Variants in KLHL25 observed in about 807,000 individuals in gnomAD.
The protein encoded by KLHL25 is kelch like family member 25, also known as kelch-like protein 25.
In KLHL25, 41 loss-of-function variants were observed where a neutral mutation model predicts 30.0. That is an observed-to-expected ratio of 1.37 (90% CI 1.07 to 1.78). The LOEUF (loss-of-function observed/expected upper bound fraction) is 1.78. Among genes scored for constraint, KLHL25 ranks in the 40% most tolerant of loss-of-function variants. The pLI is 0.00. For synonymous variants in KLHL25, 399 were observed against 355.3 expected, an observed-to-expected ratio of 1.12 and a Z score of -1.38; for missense variants, 971 against 824.5, an observed-to-expected ratio of 1.18 and a Z score of -2.18.
intron 1 of KLHL25, among the ~76,000 whole-genome samples, chr15:85,792,109 G>A (rs1028240956): frequency 1.3e-5 from 2 of 152,188 alleles, no homozygotes; most frequent in Non-Finnish European, 2.9e-5. Context: ...ATGGCAATGA[G>A]GTGGTCAAGG....
chr15:85,775,390 C>T (rs1443142188), intron 1 of KLHL25, among the ~76,000 whole-genome samples: 1 of 152,148 alleles, frequency 6.6e-6, no homozygotes, highest in Non-Finnish European at 1.5e-5. Flanking sequence ...ACAACCTGCA[C>T]AGTGATTCAC....
intron 1 of KLHL25, among the ~76,000 whole-genome samples, chr15:85,776,883 C>G (rs947526283): frequency 7.9e-5 from 12 of 151,934 alleles, no homozygotes; most frequent in Admixed American, 5.9e-4. Flanking sequence ...CGAGATGCCA[C>G]CATCGCACTC....
chr15:85,785,152 G>GGT (rs2089772859), intron 1 of KLHL25, among the ~76,000 whole-genome samples: 1 of 148,668 alleles, frequency 6.7e-6, no homozygotes, highest in Non-Finnish European at 1.5e-5. Flanking sequence ...GGAGTGCAGT[G>GGT]GTGTGATCTC....
chr15:85,767,005 T>TG (rs2089629727), intron 2 of KLHL25, among the ~76,000 whole-genome samples: 1 of 151,522 alleles, frequency 6.6e-6, no homozygotes, highest in South Asian at 2.1e-4. Context: ...TTTTTTTTTT[T>TG]TTTTTGAGAC....
At chr15:85,782,015 G>T (rs1597279644) in intron 1 of KLHL25, among the ~76,000 whole-genome samples, 1 of 151,198 alleles carries the variant, frequency 6.6e-6, no homozygotes, top group East Asian at 1.9e-4. Context: ...ATTATCAAAA[G>T]CCTTCTCTCA....
intron 1 of KLHL25, among the ~76,000 whole-genome samples, chr15:85,778,030 A>C (rs977282294): frequency 3.3e-5 from 5 of 152,224 alleles, no homozygotes; most frequent in African/African-American, 9.6e-5. Context: ...AGCAAGGAAC[A>C]ACCCCCAAAT....
At chr15:85,766,227 A>G (rs1196902941) in intron 2 of KLHL25, among the ~76,000 whole-genome samples, 2 of 152,226 alleles carry the variant, frequency 1.3e-5, no homozygotes, top group Admixed American at 6.5e-5. Flanking sequence ...GATCGTGGGA[A>G]GCGGCTGGGC....
intron 2 of KLHL25, among the ~76,000 whole-genome samples, chr15:85,765,303 G>A (rs548163674): frequency 2.9e-4 from 44 of 150,294 alleles, no homozygotes; most frequent in African/African-American, 9.8e-4. Flanking sequence ...AATTTGGCAG[G>A]TCTGATTTTT....
At chr15:85,764,199 G>C (rs1265702669) in intron 2 of KLHL25, 2 of 152,330 alleles carry the variant, frequency 1.3e-5, no homozygotes, top group African/African-American at 2.4e-5. Flanking sequence ...TCTATGGAGA[G>C]CCCAGCTCAC....
At chr15:85,771,605 C>G (rs536053037) in intron 1 of KLHL25, among the ~76,000 whole-genome samples, 41 of 152,246 alleles carry the variant, frequency 2.7e-4, no homozygotes, top group Non-Finnish European at 3.8e-4. Flanking sequence ...GCCAGACTGG[C>G]CTTGCTGCTT....
chr15:85,776,929 AAAATAAAT>A lies in KLHL25; in HGVS notation c.-10-7117_-10-7110del, dbSNP rs71141489. 5.4e-3 allele frequency among the ~76,000 whole-genome samples: 828 copies of A among 152,096 alleles called. 9 individuals carry two copies. The highest frequency in any genetic ancestry group is 0.019 in the African/African-American group (785 of 41,490). On this transcript the variant is annotated intron_variant, in intron 1 of 2. Coordinates refer to ENST00000337975, the MANE Select transcript of KLHL25 (RefSeq NM_022480.4). The stretch of plus-strand genomic sequence containing the variant: ...GACACAGCAAGACTCCATCTCAAAA[AAAATAAAT>A]AAATAAATAAATAAATAACAGATCT...
At chr15:85,794,417 G>A (rs79719545) in intron 1 of KLHL25, among the ~76,000 whole-genome samples, 13,554 of 152,314 alleles carry the variant, frequency 0.089, 669 homozygotes, top group Non-Finnish European at 0.11. Context: ...AGGATCAATA[G>A]TAATTTTTTA....
At chr15:85,784,178 T>C (rs968558409) in intron 1 of KLHL25, among the ~76,000 whole-genome samples, 4 of 152,242 alleles carry the variant, frequency 2.6e-5, no homozygotes, top group African/African-American at 9.6e-5. Context: ...GATCAATTGG[T>C]TGACCTTAAA....
At chr15:85,780,845 G>A (rs1489317418) in intron 1 of KLHL25, among the ~76,000 whole-genome samples, 1 of 152,174 alleles carries the variant, frequency 6.6e-6, no homozygotes, top group East Asian at 1.9e-4. Flanking sequence ...AAATGCATGT[G>A]CCCTCTGCCC....
intron 1 of KLHL25, among the ~76,000 whole-genome samples, chr15:85,790,119 C>T (rs1459028261): frequency 6.6e-6 from 1 of 152,116 alleles, no homozygotes; most frequent in Non-Finnish European, 1.5e-5. Context: ...GACGGAGTTT[C>T]GCTCTTGTCA....
chr15:85,770,918 C>T (rs1418035682), intron 1 of KLHL25: 2 of 287,402 alleles, frequency 7.0e-6, no homozygotes, highest in Non-Finnish European at 1.4e-5. Context: ...AATGGCATGA[C>T]CCGAGGCCCC....
intron 1 of KLHL25, among the ~76,000 whole-genome samples, chr15:85,777,721 C>T (rs11634311): frequency 0.13 from 20,330 of 152,194 alleles, 1,832 homozygotes; most frequent in Middle Eastern, 0.29. Context: ...TCCAGAGGAA[C>T]GGGTCAGGCG....
At chr15:85,790,620 A>C (rs1285144509) in intron 1 of KLHL25, among the ~76,000 whole-genome samples, 2 of 152,210 alleles carry the variant, frequency 1.3e-5, no homozygotes, top group Non-Finnish European at 2.9e-5. Flanking sequence ...AGCTGGGGCC[A>C]AGCACGACTC....
intron 1 of KLHL25, among the ~76,000 whole-genome samples, chr15:85,794,045 G>C (rs1437698047): frequency 6.6e-6 from 1 of 152,238 alleles, no homozygotes; most frequent in Non-Finnish European, 1.5e-5. Context: ...CTACGAAAGA[G>C]ACAGGGGGAG....
Sources: allele counts gnomAD v4.1 joint callset (sites outside exome capture counted in the v4.1 genomes callset), GRCh38; gene constraint gnomAD v4.1.1; transcripts MANE v1.5; gene names NCBI Gene and HGNC (gene_info 2026-07-23, HGNC 2026-07-21).